Variants in TTLL5 observed in about 807,000 individuals in gnomAD.
TTLL5 encodes the protein tubulin tyrosine ligase like 5.
Under a neutral mutation model 168.4 loss-of-function variants are expected in TTLL5, and 132 were observed. The ratio of observed to expected loss-of-function variants is 0.78; its 90% CI spans 0.68 to 0.91. TTLL5 has a LOEUF of 0.91. TTLL5 is among the 40% of genes least tolerant of loss of function. TTLL5 has a pLI of 0.00. For synonymous variants in TTLL5, 546 were observed against 558.6 expected (o/e 0.98, Z 0.32); for missense variants, 1,545 against 1,581.5 (o/e 0.98, Z 0.39).
chr14:75,695,376 T>A (rs1181950468), intron 6 of TTLL5, among the ~76,000 whole-genome samples: 1 of 152,222 alleles, frequency 6.6e-6, no homozygotes, highest in Non-Finnish European at 1.5e-5. Flanking sequence ...GCGTGCCCAG[T>A]GGGACATGAA....
In TTLL5 at chr14:75,724,016, G is replaced by T. The variant is rs1417218728; in HGVS notation, c.1042+3313G>T. ...TTAAGTCACAAGGAATAAGCTAGTT[G>T]TTTTTTTTTTTTTCCATTTATTTTA... On this transcript the variant is annotated intron_variant, in intron 12 of 31. Coordinates refer to ENST00000298832, the MANE Select transcript of TTLL5 (RefSeq NM_015072.5). Among the ~76,000 whole-genome samples, 300 of 143,418 alleles carry T rather than the reference G, an allele frequency of 2.1e-3. 1 individual carries two copies. The highest frequency in any genetic ancestry group is 7.3e-3 in the African/African-American group (286 of 39,268). The allele number at this position is 143,418 out of a possible 152,430, so 94.1% of individuals were successfully genotyped here. A position where few individuals can be genotyped will look rare whatever the true frequency, so the allele number is the denominator to read the frequency against.
rs76036738 is a variant in TTLL5, at chr14:75,852,884, T to C, written c.3327-10783T>C. 7.8e-3 allele frequency among the ~76,000 whole-genome samples: 1,193 copies of C among 152,342 alleles called. 6 individuals carry two copies. The highest frequency in any genetic ancestry group is 0.014 in the Non-Finnish European group (922 of 68,024). On this transcript the variant is annotated intron_variant, in intron 28 of 31. Coordinates refer to ENST00000298832, the MANE Select transcript of TTLL5 (RefSeq NM_015072.5). Reference sequence around the variant, plus strand: ...GACAGTTATTAACAGTTATAGTTAATTTATAATTTACCTTTTACATTAAGA... The same window carrying C: ...GACAGTTATTAACAGTTATAGTTAACTTATAATTTACCTTTTACATTAAGA...
At chr14:75,950,187 A>T (rs1038575983) in intron 31 of TTLL5, among the ~76,000 whole-genome samples, 1 of 152,264 alleles carries the variant, frequency 6.6e-6, no homozygotes, top group African/African-American at 2.4e-5. Context: ...ATAGATTTCA[A>T]TAATAACGTT....
At position 75,793,027 on chromosome 14, in the gene TTLL5, T is replaced by G. The variant is rs1489208821; in HGVS notation, c.3098T>G (p.Leu1033Arg). ...AACCAAAGTATGGTTACAGCTGAAC[T>G]TCAGCGGCTAGCTGAGAAGCAGGCA... The part of the protein sequence containing the change: ...RYNQSMVTAE[L>R]QRLAEKQAAR... The change falls in exon 27 of 32, where the codon CTT (leucine) becomes CGT (arginine). Residue 1033 changes from leucine to arginine, a missense_variant. By Grantham distance (102) the Leu-to-Arg change is moderately radical (BLOSUM62 -2). Transcript: ENST00000298832. 24 of 1,613,746 alleles carry G rather than the reference T, an allele frequency of 1.5e-5. No individual in the cohort carries two copies. The highest frequency in any genetic ancestry group is 1.9e-5 in the Non-Finnish European group (22 of 1,179,820).
At chr14:75,715,478 A>G (rs1259065691) in intron 9 of TTLL5, among the ~76,000 whole-genome samples, 1 of 152,120 alleles carries the variant, frequency 6.6e-6, no homozygotes, top group Non-Finnish European at 1.5e-5. Context: ...AAAAAAGAAA[A>G]TAGTGGTCAG....
At chr14:75,920,394 C>G (rs1189563770) in intron 31 of TTLL5, among the ~76,000 whole-genome samples, 1 of 152,102 alleles carries the variant, frequency 6.6e-6, no homozygotes, top group East Asian at 1.9e-4. Flanking sequence ...ATTCCTCCCC[C>G]AGTTCCCCAC....
At chr14:75,766,481 TC>T in intron 20 of TTLL5, 113 bp downstream of exon 20, 1 of 1,031,970 alleles carries the variant, frequency 9.7e-7, no homozygotes, top group Non-Finnish European at 1.4e-6. Context: ...TTTACAGAAG[TC>T]CTATGAAATA....
At chr14:75,851,238 G>A (rs894377128) in intron 28 of TTLL5, among the ~76,000 whole-genome samples, 2 of 152,124 alleles carry the variant, frequency 1.3e-5, no homozygotes, top group Admixed American at 6.5e-5. Flanking sequence ...TTGTGCAAGG[G>A]AAATACACAC....
At chr14:75,714,634 G>A (rs1265154426) in intron 9 of TTLL5, among the ~76,000 whole-genome samples, 1 of 151,996 alleles carries the variant, frequency 6.6e-6, no homozygotes, top group African/African-American at 2.4e-5. Context: ...TGCTCAAATT[G>A]TCCCAGATTT....
chr14:75,914,918 C>G (rs1413101406), intron 31 of TTLL5, among the ~76,000 whole-genome samples: 2 of 152,240 alleles, frequency 1.3e-5, no homozygotes, highest in Admixed American at 6.5e-5. Flanking sequence ...CCACTGTGCC[C>G]GGCCGATCGC....
rs768574994 is a variant in TTLL5, at chr14:75,820,074, G to A, written c.3239G>A (p.Arg1080Gln). 12 of 1,609,570 alleles carry A rather than the reference G, an allele frequency of 7.5e-6. No individual in the cohort carries two copies. Among genetic ancestry groups the A allele is most frequent in the East Asian group, 6.8e-5 (3 of 44,324 alleles). ...AGTGCTTCAGCTCCCCCAACCCTCCGACCCATCATCAGTCCTAGTGGCCCG... is the reference window on the plus strand; with the variant it reads ...AGTGCTTCAGCTCCCCCAACCCTCCAACCCATCATCAGTCCTAGTGGCCCG... Reference protein sequence around the residue: ...RSSASAPPTLRPIISPSGPTW... With the variant: ...RSSASAPPTLQPIISPSGPTW... Residue 1080 changes from arginine (R) to glutamine (Q), a missense_variant, in exon 28 of 32, where the codon CGA becomes CAA. Coordinates refer to ENST00000298832, the MANE Select transcript of TTLL5 (RefSeq NM_015072.5).
At chr14:75,681,257 A>G (rs984919705) in intron 3 of TTLL5, among the ~76,000 whole-genome samples, 1 of 152,286 alleles carries the variant, frequency 6.6e-6, no homozygotes, top group Non-Finnish European at 1.5e-5. Flanking sequence ...GTCACAGATA[A>G]TGTTAATACT....
chr14:75,879,489 T>C (rs1374044170), intron 29 of TTLL5, among the ~76,000 whole-genome samples: 1 of 152,238 alleles, frequency 6.6e-6, no homozygotes, highest in African/African-American at 2.4e-5. Flanking sequence ...GTTGAGTGCC[T>C]ACTGTGTGCC....
intron 29 of TTLL5, among the ~76,000 whole-genome samples, chr14:75,878,943 A>G (rs1213934913): frequency 1.3e-5 from 2 of 152,240 alleles, no homozygotes; most frequent in African/African-American, 4.8e-5. Flanking sequence ...ACATCTGGAT[A>G]TAAATACACA....
chr14:75,919,993 C>T (rs1039925461), intron 31 of TTLL5, among the ~76,000 whole-genome samples: 37 of 152,056 alleles, frequency 2.4e-4, no homozygotes, highest in African/African-American at 8.5e-4. Flanking sequence ...TAGTGCCTCA[C>T]GCCTGTAAGT....
intron 31 of TTLL5, among the ~76,000 whole-genome samples, chr14:75,949,994 A>G (rs865841224): frequency 5.3e-5 from 8 of 152,210 alleles, no homozygotes; most frequent in African/African-American, 1.9e-4. Flanking sequence ...TTATACTCCT[A>G]TAAAGAATGG....
chr14:75,839,770 C>T (rs175894), intron 28 of TTLL5, among the ~76,000 whole-genome samples: 18,917 of 152,148 alleles, frequency 0.12, 1,530 homozygotes, highest in East Asian at 0.39. Flanking sequence ...ACCATCCTAA[C>T]GGGTGTGATC....
intron 18 of TTLL5, among the ~76,000 whole-genome samples, chr14:75,753,229 CCTTTA>C (rs1203659296): frequency 2.0e-5 from 3 of 152,136 alleles, no homozygotes; most frequent in African/African-American, 7.2e-5. Flanking sequence ...TTAAGGAAGG[CCTTTA>C]CTTAGTGCCA....
At chr14:75,927,886 G>A (rs2034128588) in intron 31 of TTLL5, among the ~76,000 whole-genome samples, 1 of 152,060 alleles carries the variant, frequency 6.6e-6, no homozygotes, top group Non-Finnish European at 1.5e-5. Context: ...CTGAGAATGG[G>A]GCTAGCTGTG....
Sources: allele counts gnomAD v4.1 joint callset (sites outside exome capture counted in the v4.1 genomes callset), GRCh38; gene constraint gnomAD v4.1.1; transcripts MANE v1.5; gene names NCBI Gene and HGNC (gene_info 2026-07-23, HGNC 2026-07-21).